The following DLGAP2 variants were observed in gnomAD, a reference collection of about 807,000 sequenced individuals.
DLGAP2 encodes disks large-associated protein 2.
A neutral mutation model predicts 100.3 loss-of-function variants in DLGAP2; 26 were observed. That is an observed-to-expected ratio of 0.26 (90% CI 0.19 to 0.36). The LOEUF (loss-of-function observed/expected upper bound fraction) is 0.36. Ranked by LOEUF, DLGAP2 falls within the 10% of genes least tolerant of loss-of-function variation. The pLI is 1.00. For synonymous variants in DLGAP2, 886 were observed against 630.1 expected (o/e 1.41, Z -6.08); for missense variants, 1,858 against 1,453.2 (o/e 1.28, Z -4.53).
intron 2 of DLGAP2, among the ~76,000 whole-genome samples, chr8:1,082,575 G>A (rs1395151973): frequency 6.6e-6 from 1 of 152,210 alleles, no homozygotes; most frequent in Non-Finnish European, 1.5e-5. Context: ...TTTGGTGTGA[G>A]CAGGGCTGGG....
At chr8:1,250,842 A>G (rs141409242) in intron 2 of DLGAP2, among the ~76,000 whole-genome samples, 2,159 of 152,352 alleles carry the variant, frequency 0.014, 31 homozygotes, top group South Asian at 0.07. Flanking sequence ...CTTCCTGATT[A>G]CAGTCAGGCG....
Position 1,704,236 on chromosome 8 carries a change from A to G in DLGAP2, c.*2830A>G, listed in dbSNP as rs976720208. Reference sequence around the variant, plus strand: ...CAAGAAAAGAGTAAACATCCATTGGAGAACACGGCTGAAAATTATTGTGCT... The same window carrying G: ...CAAGAAAAGAGTAAACATCCATTGGGGAACACGGCTGAAAATTATTGTGCT... On this transcript the variant is annotated 3_prime_UTR_variant, in exon 15 of 15. Coordinates refer to ENST00000637795, the MANE Select transcript of DLGAP2 (RefSeq NM_001346810.2). The G allele has an allele frequency of 1.3e-5, 2 of 152,318 alleles. No individual in the cohort carries two copies. Among genetic ancestry groups the G allele is most frequent in the East Asian group, 3.8e-4 (2 of 5,204 alleles). 9.4% of individuals were successfully genotyped at this position (152,318 alleles called of 1,614,324 possible). A position where few individuals can be genotyped will look rare whatever the true frequency, so the allele number is the denominator to read the frequency against.
At chr8:1,150,635 T>A (rs1241588179) in intron 2 of DLGAP2, among the ~76,000 whole-genome samples, 3 of 152,218 alleles carry the variant, frequency 2.0e-5, no homozygotes, top group African/African-American at 7.2e-5. Flanking sequence ...CCATGCCCTG[T>A]TGACAGGATT....
intron 2 of DLGAP2, among the ~76,000 whole-genome samples, chr8:1,256,559 T>G (rs796679062): frequency 2.1e-5 from 2 of 96,130 alleles, no homozygotes; most frequent in Non-Finnish European, 4.1e-5. Flanking sequence ...TGTGTGTCCT[T>G]TCCTGCCCGG....
At chr8:1,023,004 C>G (rs1020747577) in intron 2 of DLGAP2, among the ~76,000 whole-genome samples, 1 of 152,208 alleles carries the variant, frequency 6.6e-6, no homozygotes, top group East Asian at 1.9e-4. Flanking sequence ...ATTAAACTCG[C>G]ATGTATCTTT....
At chr8:1,452,857 A>G (rs1798199734) in intron 3 of DLGAP2, among the ~76,000 whole-genome samples, 1 of 152,162 alleles carries the variant, frequency 6.6e-6, no homozygotes, top group Non-Finnish European at 1.5e-5. Flanking sequence ...GACGGTGCCC[A>G]TTAAAGAGTC....
intron 3 of DLGAP2, among the ~76,000 whole-genome samples, chr8:1,292,798 C>T (rs1031325782): frequency 6.6e-6 from 1 of 152,062 alleles, no homozygotes; most frequent in African/African-American, 2.4e-5. Flanking sequence ...CCCCTCTTCT[C>T]GGAACGCCTT....
At chr8:1,444,481 G>A (rs145431063) in intron 3 of DLGAP2, among the ~76,000 whole-genome samples, 12 of 152,264 alleles carry the variant, frequency 7.9e-5, no homozygotes, top group South Asian at 2.1e-4. Flanking sequence ...TCTTTCATCT[G>A]CCTTCATTTG....
At chr8:827,782 T>C (rs566466252) in intron 1 of DLGAP2, among the ~76,000 whole-genome samples, 1 of 152,200 alleles carries the variant, frequency 6.6e-6, no homozygotes. Context: ...ACAAAGACTA[T>C]GTGGAAAAGA....
At chr8:1,294,878 A>C (rs1045872063) in intron 3 of DLGAP2, among the ~76,000 whole-genome samples, 23 of 140,352 alleles carry the variant, frequency 1.6e-4, no homozygotes, top group Non-Finnish European at 2.7e-4. Context: ...CAAAACAAAA[A>C]AAAACAAAAC....
chr8:1,514,325 C>G (rs1042937867), intron 4 of DLGAP2, among the ~76,000 whole-genome samples: 1 of 152,232 alleles, frequency 6.6e-6, no homozygotes, highest in Non-Finnish European at 1.5e-5. Flanking sequence ...AAGGGTAACC[C>G]CCAACAGCCC....
At chr8:1,539,217 A>G (rs982138062) in intron 4 of DLGAP2, among the ~76,000 whole-genome samples, 2 of 152,144 alleles carry the variant, frequency 1.3e-5, no homozygotes, top group African/African-American at 4.8e-5. Flanking sequence ...TGTTTTCATA[A>G]CTAACAGCAT....
At chr8:765,307 C>A (rs1177463540) in intron 1 of DLGAP2, among the ~76,000 whole-genome samples, 1 of 152,178 alleles carries the variant, frequency 6.6e-6, no homozygotes. Context: ...ATGTTAAATA[C>A]TGTATTTGGT....
chr8:898,359 C>G (rs372062457), intron 1 of DLGAP2, among the ~76,000 whole-genome samples: 46 of 152,288 alleles, frequency 3.0e-4, no homozygotes, highest in African/African-American at 1.1e-3. Context: ...ACACGCATCT[C>G]CTCGGGCTGA....
intron 6 of DLGAP2, among the ~76,000 whole-genome samples, chr8:1,572,739 TG>T (rs201391778): frequency 3.3e-4 from 15 of 45,908 alleles, no homozygotes; most frequent in Admixed American, 1.3e-3. Flanking sequence ...GGGTGAACTG[TG>T]GGGGCGTCTG....
intron 3 of DLGAP2, among the ~76,000 whole-genome samples, chr8:1,340,872 T>C (rs1801401790): frequency 6.6e-6 from 1 of 152,184 alleles, no homozygotes; most frequent in Admixed American, 6.5e-5. Context: ...GAAAATGTGG[T>C]ATATGTACAC....
chr8:1,555,983 G>A (rs1333932065), intron 5 of DLGAP2, among the ~76,000 whole-genome samples: 3 of 152,216 alleles, frequency 2.0e-5, no homozygotes, highest in East Asian at 3.9e-4. Flanking sequence ...GGAACACTGG[G>A]TGGGTGCATG....
At chr8:1,122,735 C>T (rs988965851) in intron 2 of DLGAP2, among the ~76,000 whole-genome samples, 7 of 151,948 alleles carry the variant, frequency 4.6e-5, no homozygotes, top group African/African-American at 1.7e-4. Flanking sequence ...CCTCTCATTT[C>T]CTCCCTCCCT....
chr8:815,491 C>T (rs1032612735), intron 1 of DLGAP2, among the ~76,000 whole-genome samples: 2 of 152,142 alleles, frequency 1.3e-5, no homozygotes, highest in Non-Finnish European at 1.5e-5. Flanking sequence ...AGGGAAAATC[C>T]TTTCAGATGG....
Sources: allele counts gnomAD v4.1 joint callset (sites outside exome capture counted in the v4.1 genomes callset), GRCh38; gene constraint gnomAD v4.1.1; transcripts MANE v1.5; gene names NCBI Gene and HGNC (gene_info 2026-07-23, HGNC 2026-07-21).